KIAA1328: variants seen among roughly 807,000 people sequenced by gnomAD.
The protein encoded by KIAA1328 is KIAA1328, also known as protein hinderin.
Under a neutral mutation model 68.1 loss-of-function variants are expected in KIAA1328, and 52 were observed. That is an observed-to-expected ratio of 0.76 (90% CI 0.61 to 0.96). The LOEUF is 0.96. KIAA1328 is among the 40% of genes least tolerant of loss of function. The pLI, the probability that KIAA1328 is intolerant of heterozygous loss-of-function variation, is 0.00. For missense variants in KIAA1328, 641 were observed against 677.6 expected, an observed-to-expected ratio of 0.95 and a Z score of 0.60; for synonymous variants, 232 against 239.4, an observed-to-expected ratio of 0.97 and a Z score of 0.28.
chr18:36,875,428 A>G (rs1411367296), intron 4 of KIAA1328, among the ~76,000 whole-genome samples: 1 of 152,184 alleles, frequency 6.6e-6, no homozygotes, highest in Non-Finnish European at 1.5e-5. Context: ...CTTTGTAGCA[A>G]TGGTGAATGG....
rs915331092 is a variant in KIAA1328 at position 37,222,938 on chromosome 18, A to G, written c.*711A>G. 17 of 985,526 alleles carry G rather than the reference A, an allele frequency of 1.7e-5. No individual in the cohort carries two copies. Among genetic ancestry groups the G allele is most frequent in the Admixed American group, 6.1e-5 (1 of 16,274 alleles). 61.0% of individuals were successfully genotyped at this position (985,526 alleles called of 1,614,324 possible). A position where few individuals can be genotyped will look rare whatever the true frequency, so the allele number is the denominator to read the frequency against. On this transcript the variant is annotated 3_prime_UTR_variant, in exon 10 of 10. Coordinates refer to ENST00000280020, the MANE Select transcript of KIAA1328 (RefSeq NM_020776.3). ...CCTGGGGAAATTCAGTGGAGGCACA[A>G]GCCTGAAGCACTCTTCTACCAATGT...
At chr18:36,975,126 A>T (rs1005423842) in intron 6 of KIAA1328, among the ~76,000 whole-genome samples, 3 of 152,028 alleles carry the variant, frequency 2.0e-5, no homozygotes, top group Non-Finnish European at 4.4e-5. Flanking sequence ...GTATCCATTG[A>T]ACTCTTTCAA....
At chr18:37,058,557 C>A (rs1012042252) in intron 6 of KIAA1328, among the ~76,000 whole-genome samples, 2 of 151,836 alleles carry the variant, frequency 1.3e-5, no homozygotes, top group East Asian at 1.9e-4. Context: ...TACTAAAATA[C>A]AAAAATTTAG....
intron 9 of KIAA1328, among the ~76,000 whole-genome samples, chr18:37,175,045 T>G (rs1386161543): frequency 4.6e-5 from 7 of 152,204 alleles, no homozygotes; most frequent in African/African-American, 1.7e-4. Flanking sequence ...TTCTGAAATG[T>G]TGATGGAGCT....
chr18:37,171,944 A>T (rs1306827015), intron 8 of KIAA1328, among the ~76,000 whole-genome samples: 2 of 152,156 alleles, frequency 1.3e-5, no homozygotes, highest in Non-Finnish European at 2.9e-5. Context: ...AGAATAGTTG[A>T]CATAAAGAGT....
intron 5 of KIAA1328, among the ~76,000 whole-genome samples, chr18:36,919,037 G>A (rs915534885): frequency 3.3e-5 from 5 of 152,146 alleles, no homozygotes; most frequent in Admixed American, 1.3e-4. Context: ...TTTTACAGCT[G>A]TTGGGGTAGG....
intron 7 of KIAA1328, among the ~76,000 whole-genome samples, chr18:37,073,029 G>A (rs1203127077): frequency 3.0e-5 from 4 of 133,502 alleles, no homozygotes; most frequent in Non-Finnish European, 4.5e-5. Context: ...ATGGACTAAA[G>A]ACTTAATGTA....
chr18:37,178,848 A>T (rs2059644873), intron 9 of KIAA1328, among the ~76,000 whole-genome samples: 1 of 152,164 alleles, frequency 6.6e-6, no homozygotes, highest in Non-Finnish European at 1.5e-5. Context: ...GAATTTTTTC[A>T]TGTACCCGTT....
chr18:37,222,062 C>G lies in KIAA1328; in HGVS notation c.1569C>G (p.Asn523Lys), dbSNP rs1568551923. 2 of 1,613,754 alleles carry G rather than the reference C, an allele frequency of 1.2e-6. No individual in the cohort carries two copies. Among genetic ancestry groups the G allele is most frequent in the Admixed American group, 1.7e-5 (1 of 60,002 alleles). Reference protein sequence around the residue: ...LLDLVQSLSPNSAPKPQRYPS... With the variant: ...LLDLVQSLSPKSAPKPQRYPS... Reference sequence around the variant, plus strand: ...ATTTGGTTCAGTCTCTGAGCCCAAACTCTGCGCCCAAACCTCAGCGCTATC... The same window carrying G: ...ATTTGGTTCAGTCTCTGAGCCCAAAGTCTGCGCCCAAACCTCAGCGCTATC... Residue 523 changes from asparagine (N) to lysine (K), a missense_variant, in exon 10 of 10, where the codon AAC becomes AAG. Transcript: ENST00000280020.
At chr18:37,205,757 G>C (rs1233589767) in intron 9 of KIAA1328, among the ~76,000 whole-genome samples, 1 of 152,152 alleles carries the variant, frequency 6.6e-6, no homozygotes, top group Non-Finnish European at 1.5e-5. Context: ...CTGGAATGCT[G>C]CTTAACTAAT....
At position 37,225,058 on chromosome 18, in the gene KIAA1328, G is replaced by A; in HGVS notation, c.*2831G>A. Reference sequence around the variant, plus strand: ...TAGAGCACCCCAAATGTCATGGGGAGAGAGGGACTCTTTCTGCTCCCTCAG... The same window carrying A: ...TAGAGCACCCCAAATGTCATGGGGAAAGAGGGACTCTTTCTGCTCCCTCAG... On this transcript the variant is annotated 3_prime_UTR_variant, in exon 10 of 10. Transcript: ENST00000280020. The A allele has an allele frequency of 2.0e-6, 2 of 985,448 alleles. No homozygotes were observed. Among genetic ancestry groups the A allele is most frequent in the Non-Finnish European group, 2.4e-6 (2 of 829,942 alleles). 61.0% of individuals were successfully genotyped at this position (985,448 alleles called of 1,614,324 possible).
intron 7 of KIAA1328, among the ~76,000 whole-genome samples, chr18:37,081,095 C>T (rs2151798572): frequency 6.6e-6 from 1 of 152,096 alleles, no homozygotes; most frequent in South Asian, 2.1e-4. Flanking sequence ...ATTCTCCTGC[C>T]TCAGCCTCCC....
At chr18:37,193,647 C>G (rs1471597516) in intron 9 of KIAA1328, 2 of 702,588 alleles carry the variant, frequency 2.8e-6, no homozygotes, top group Middle Eastern at 2.3e-4. Context: ...ATATTGTTCT[C>G]CTAGACAAAA....
chr18:36,997,079 G>A (rs1011462295), intron 6 of KIAA1328, among the ~76,000 whole-genome samples: 3 of 151,780 alleles, frequency 2.0e-5, no homozygotes, highest in Non-Finnish European at 2.9e-5. Flanking sequence ...GTTTGCCTCT[G>A]TCTTTCTCTA....
intron 9 of KIAA1328, among the ~76,000 whole-genome samples, chr18:37,180,903 G>C (rs2059686993): frequency 6.6e-6 from 1 of 152,056 alleles, no homozygotes; most frequent in Non-Finnish European, 1.5e-5. Context: ...TTAAATGCCA[G>C]TTATGTATCA....
At chr18:37,096,498 T>C (rs2151849926) in intron 7 of KIAA1328, among the ~76,000 whole-genome samples, 1 of 152,364 alleles carries the variant, frequency 6.6e-6, no homozygotes, top group Middle Eastern at 3.4e-3. Flanking sequence ...TTGGATTGGT[T>C]CCAAGTCTTT....
At chr18:36,948,816 T>TGG (rs537852328) in intron 5 of KIAA1328, among the ~76,000 whole-genome samples, 52 of 152,358 alleles carry the variant, frequency 3.4e-4, no homozygotes, top group African/African-American at 1.2e-3. Context: ...CCCAGAGTGC[T>TGG]GGGATTACAG....
chr18:36,837,623 TC>T (rs1471301305), intron 3 of KIAA1328, among the ~76,000 whole-genome samples: 2 of 152,158 alleles, frequency 1.3e-5, no homozygotes, highest in East Asian at 3.8e-4. Flanking sequence ...TTCTTCTGTC[TC>T]CTTTGCTTTG....
At chr18:37,089,216 T>C (rs1222509633) in intron 7 of KIAA1328, among the ~76,000 whole-genome samples, 1 of 152,116 alleles carries the variant, frequency 6.6e-6, no homozygotes, top group African/African-American at 2.4e-5. Flanking sequence ...CTCTAGCCTA[T>C]CAAAATTCTA....
Sources: gnomAD v4.1 joint callset for allele counts (sites outside exome capture counted in the v4.1 genomes callset) on GRCh38, gnomAD v4.1.1 for gene constraint, MANE v1.5 for transcripts, NCBI Gene and HGNC (gene_info 2026-07-23, HGNC 2026-07-21) for gene names.